Variants in CNBD1 observed in about 807,000 individuals in gnomAD.
The protein encoded by CNBD1 is cyclic nucleotide-binding domain-containing protein 1.
Under a neutral mutation model 54.4 loss-of-function variants are expected in CNBD1, and 71 were observed. The ratio of observed to expected loss-of-function variants is 1.30; its 90% CI spans 1.08 to 1.59. The LOEUF (loss-of-function observed/expected upper bound fraction) is 1.59, where lower values mean the gene tolerates loss of function less well. Ranked by LOEUF, CNBD1 falls within the 40% of genes most tolerant of loss-of-function variation. The pLI is 0.00. For missense variants in CNBD1, 659 were observed against 518.0 expected (o/e 1.27, Z -2.64); for synonymous variants, 182 against 170.7 (o/e 1.07, Z -0.51).
At chr8:87,380,202 A>C (rs1025474050) in intron 10 of CNBD1, among the ~76,000 whole-genome samples, 1 of 152,018 alleles carries the variant, frequency 6.6e-6, no homozygotes, top group African/African-American at 2.4e-5. Context: ...TAAAATGTCA[A>C]ATGTCAAGAT....
intron 5 of CNBD1, among the ~76,000 whole-genome samples, chr8:87,233,153 C>T (rs1807483000): frequency 6.6e-6 from 1 of 152,052 alleles, no homozygotes; most frequent in African/African-American, 2.4e-5. Context: ...GTTTAAAATA[C>T]ATGTAGATAA....
intron 8 of CNBD1, among the ~76,000 whole-genome samples, chr8:87,321,058 T>C (rs1809517161): frequency 1.3e-5 from 2 of 152,160 alleles, no homozygotes; most frequent in Admixed American, 6.6e-5. Flanking sequence ...TATTTATAGA[T>C]GAATTACCAC....
intron 4 of CNBD1, among the ~76,000 whole-genome samples, chr8:87,052,025 C>A (rs1158975673): frequency 6.6e-6 from 1 of 152,192 alleles, no homozygotes; most frequent in Non-Finnish European, 1.5e-5. Flanking sequence ...AAGGTGGCTT[C>A]TTTTTGTTGC....
At chr8:86,989,320 C>CATAT (rs1339547472) in intron 4 of CNBD1, among the ~76,000 whole-genome samples, 8 of 151,938 alleles carry the variant, frequency 5.3e-5, no homozygotes, top group African/African-American at 1.9e-4. Context: ...TACATACATA[C>CATAT]ATACATACAT....
At chr8:87,185,930 T>A (rs955763858) in intron 4 of CNBD1, among the ~76,000 whole-genome samples, 13 of 152,134 alleles carry the variant, frequency 8.5e-5, no homozygotes, top group African/African-American at 2.7e-4. Flanking sequence ...CCATTCTTTA[T>A]CATAGAAATT....
chr8:87,070,339 A>G (rs1810734912), intron 4 of CNBD1, among the ~76,000 whole-genome samples: 1 of 152,078 alleles, frequency 6.6e-6, no homozygotes, highest in Admixed American at 6.6e-5. Flanking sequence ...GGGGAAGAGG[A>G]GAAACCACCT....
intron 4 of CNBD1, among the ~76,000 whole-genome samples, chr8:87,031,168 A>G (rs1296303755): frequency 6.6e-6 from 1 of 151,798 alleles, no homozygotes; most frequent in African/African-American, 2.4e-5. Flanking sequence ...GGGGTTAGAA[A>G]TGGCATTTCT....
At chr8:86,964,485 T>A (rs1238236648) in intron 4 of CNBD1, among the ~76,000 whole-genome samples, 1 of 152,212 alleles carries the variant, frequency 6.6e-6, no homozygotes, top group African/African-American at 2.4e-5. Context: ...AAAAGTAACA[T>A]GACATCCTTC....
intron 2 of CNBD1, among the ~76,000 whole-genome samples, chr8:87,399,583 A>G (rs1227252879): frequency 4.6e-5 from 7 of 152,040 alleles, no homozygotes; most frequent in Non-Finnish European, 5.9e-5. Flanking sequence ...CCTAATGCCA[A>G]AAGTTCAATC....
chr8:86,956,670 C>T (rs1376323944), intron 4 of CNBD1, among the ~76,000 whole-genome samples: 1 of 152,134 alleles, frequency 6.6e-6, no homozygotes, highest in Admixed American at 6.6e-5. Flanking sequence ...GATTTTTGCA[C>T]ATTGATTTGG....
At chr8:87,277,922 G>A (rs573933053) in intron 6 of CNBD1, among the ~76,000 whole-genome samples, 61 of 151,618 alleles carry the variant, frequency 4.0e-4, no homozygotes, top group Non-Finnish European at 2.8e-4. Context: ...TTAGATATTG[G>A]AGTTATTAGT....
At chr8:87,380,241 C>T (rs79357358) in intron 10 of CNBD1, among the ~76,000 whole-genome samples, 1 of 151,756 alleles carries the variant, frequency 6.6e-6, no homozygotes, top group Non-Finnish European at 1.5e-5. Flanking sequence ...AGCTTCTCTA[C>T]CTAAATAGTA....
At chr8:87,294,409 C>T (rs1391603936) in intron 8 of CNBD1, among the ~76,000 whole-genome samples, 1 of 152,174 alleles carries the variant, frequency 6.6e-6, no homozygotes, top group Non-Finnish European at 1.5e-5. Flanking sequence ...TTTAAACACA[C>T]ATCAGACACT....
At chr8:87,027,135 C>T (rs1030392934) in intron 4 of CNBD1, among the ~76,000 whole-genome samples, 2 of 151,702 alleles carry the variant, frequency 1.3e-5, no homozygotes, top group African/African-American at 2.4e-5. Flanking sequence ...AATAAATGTA[C>T]GTACATAAAT....
intron 10 of CNBD1, 54 bp from the exon 11 acceptor site, chr8:87,382,566 C>T (rs1007317381): frequency 1.9e-5 from 28 of 1,459,754 alleles, no homozygotes; most frequent in Middle Eastern, 3.4e-4. Context: ...AAAATAATTA[C>T]CAAAAATGAG....
chr8:87,235,831 A>C (rs1429465546), intron 5 of CNBD1, among the ~76,000 whole-genome samples: 1 of 152,184 alleles, frequency 6.6e-6, no homozygotes, highest in Non-Finnish European at 1.5e-5. Context: ...ATATCTGTGA[A>C]GCACTGAAAA....
chr8:87,228,880 A>G lies in CNBD1; in HGVS notation c.578-8039A>G, dbSNP rs375504562. Among the ~76,000 whole-genome samples, 8 of 152,246 alleles carry G rather than the reference A, an allele frequency of 5.3e-5. No homozygotes were observed. In the East Asian group the frequency reaches 7.7e-4, roughly 15 times the overall value. On this transcript the variant is annotated intron_variant, in intron 5 of 10. Transcript: ENST00000518476. ...CAGTTTGATCTCAGACTGCTATGCT[A>G]GCAATCAGCGAGACTCTGTGGGGTA...
At chr8:86,876,472 G>C (rs1361900048) in intron 1 of CNBD1, among the ~76,000 whole-genome samples, 1 of 151,504 alleles carries the variant, frequency 6.6e-6, no homozygotes, top group Non-Finnish European at 1.5e-5. Context: ...TTTTTGTTTA[G>C]ATATGCCTGT....
intron 3 of CNBD1, among the ~76,000 whole-genome samples, chr8:86,922,025 T>G (rs1809282833): frequency 6.6e-6 from 1 of 152,018 alleles, no homozygotes; most frequent in Non-Finnish European, 1.5e-5. Context: ...TACTGGAAGA[T>G]CAGAGAAGCA....
Sources: gnomAD v4.1 joint callset for allele counts (sites outside exome capture counted in the v4.1 genomes callset) on GRCh38, gnomAD v4.1.1 for gene constraint, MANE v1.5 for transcripts, NCBI Gene and HGNC (gene_info 2026-07-23, HGNC 2026-07-21) for gene names.